DOK6: variants seen among roughly 807,000 people sequenced by gnomAD.
DOK6 encodes downstream of tyrosine kinase 6.
DOK6 carries 22 observed loss-of-function variants against 44.0 expected under a neutral mutation model. That is an observed-to-expected ratio of 0.50 (90% CI 0.36 to 0.71). The LOEUF is 0.71. DOK6 is among the 30% of genes least tolerant of loss of function. The pLI is 0.00. For missense variants in DOK6, 340 were observed against 416.4 expected (o/e 0.82, Z 1.60); for synonymous variants, 166 against 145.5 (o/e 1.14, Z -1.01).
intron 7 of DOK6, among the ~76,000 whole-genome samples, chr18:69,759,749 TCTCA>T (rs1979481779): frequency 1.3e-5 from 2 of 152,212 alleles, no homozygotes; most frequent in South Asian, 2.1e-4. Flanking sequence ...ATTGAAATAC[TCTCA>T]CTGATGTTAA....
intron 2 of DOK6, among the ~76,000 whole-genome samples, chr18:69,583,794 C>T (rs1392200686): frequency 6.7e-6 from 1 of 150,016 alleles, no homozygotes; most frequent in East Asian, 1.9e-4. Flanking sequence ...AAATATTATT[C>T]AATTGACCTT....
intron 1 of DOK6, among the ~76,000 whole-genome samples, chr18:69,448,412 C>T (rs923643290): frequency 6.6e-6 from 1 of 151,996 alleles, no homozygotes; most frequent in Non-Finnish European, 1.5e-5. Context: ...ACTCTTGTTG[C>T]CCAGGCTGGA....
At chr18:69,449,501 A>G (rs1979394449) in intron 1 of DOK6, among the ~76,000 whole-genome samples, 1 of 152,242 alleles carries the variant, frequency 6.6e-6, no homozygotes, top group Non-Finnish European at 1.5e-5. Context: ...TACTAATTTA[A>G]TAGCAAAACT....
At chr18:69,743,078 T>C (rs775807264) in intron 6 of DOK6, among the ~76,000 whole-genome samples, 1 of 152,220 alleles carries the variant, frequency 6.6e-6, no homozygotes, top group Non-Finnish European at 1.5e-5. Context: ...GAGACAGCAA[T>C]CTTAAGGAGT....
chr18:69,681,859 A>T (rs1986052474), intron 4 of DOK6, among the ~76,000 whole-genome samples: 1 of 152,240 alleles, frequency 6.6e-6, no homozygotes, highest in Non-Finnish European at 1.5e-5. Flanking sequence ...AATTCCTGCA[A>T]ATGCAGTTGG....
intron 6 of DOK6, among the ~76,000 whole-genome samples, chr18:69,743,355 G>A (rs79041465): frequency 0.031 from 4,691 of 152,182 alleles, 134 homozygotes; most frequent in East Asian, 0.086. Flanking sequence ...TCTGTAGATG[G>A]TTTGACATGC....
At position 69,698,604 on chromosome 18, in the gene DOK6, G is replaced by C; in HGVS notation, c.599+11G>C. 1 of 1,610,728 alleles carries C rather than the reference G, an allele frequency of 6.2e-7. No individual in the cohort carries two copies. Among genetic ancestry groups the C allele is most frequent in the Non-Finnish European group, 8.5e-7 (1 of 1,178,624 alleles). On this transcript the variant is annotated intron_variant, in intron 5 of 7. Coordinates refer to ENST00000382713, the MANE Select transcript of DOK6 (RefSeq NM_152721.6). ...GTTTGAGTCAGGAAGGTAAGATCTAGTGCAGCAGCCAAGTGCAGGAGTTGT... is the reference window on the plus strand; with the variant it reads ...GTTTGAGTCAGGAAGGTAAGATCTACTGCAGCAGCCAAGTGCAGGAGTTGT...
chr18:69,835,922 A>C (rs1232426864), intron 7 of DOK6, among the ~76,000 whole-genome samples: 1 of 152,190 alleles, frequency 6.6e-6, no homozygotes, highest in Non-Finnish European at 1.5e-5. Context: ...ATGCTTTGGG[A>C]TCTTTCTGAC....
At chr18:69,680,448 C>G (rs1986019208) in intron 4 of DOK6, among the ~76,000 whole-genome samples, 1 of 152,198 alleles carries the variant, frequency 6.6e-6, no homozygotes, top group Non-Finnish European at 1.5e-5. Flanking sequence ...GATGATATCC[C>G]TTTTCTGTGT....
intron 1 of DOK6, among the ~76,000 whole-genome samples, chr18:69,488,282 C>T (rs1445205752): frequency 6.6e-6 from 1 of 152,070 alleles, no homozygotes; most frequent in Non-Finnish European, 1.5e-5. Flanking sequence ...CTCCAGATAC[C>T]ATTACATTGG....
chr18:69,629,908 A>G (rs1984651307), intron 3 of DOK6, among the ~76,000 whole-genome samples: 1 of 152,158 alleles, frequency 6.6e-6, no homozygotes, highest in Non-Finnish European at 1.5e-5. Context: ...CTCCTGCCTC[A>G]GCCTCCCATG....
chr18:69,823,783 C>A (rs79178909), intron 7 of DOK6, among the ~76,000 whole-genome samples: 222 of 152,080 alleles, frequency 1.5e-3, no homozygotes, highest in African/African-American at 5.0e-3. Context: ...GTTTGAGTTG[C>A]TTCTCTCATC....
chr18:69,401,263 G>C lies in DOK6; in HGVS notation c.19G>C (p.Asp7His). MASNFN[D>H]IVKQGYVKIR... ...GCTGGCCATGGCCTCCAACTTTAAC[G>C]ACATAGTCAAGCAGGGCTACGTGAA... Residue 7 changes from aspartate to histidine, a missense_variant, in exon 1 of 8, where the codon GAC becomes CAC. Physicochemically the swap from Asp to His is moderately conservative, Grantham distance 81. Around this residue, in one of 3 missense-constraint regions of DOK6, gnomAD observed 206 missense variants for 258.6 expected, o/e 0.80. Coordinates refer to ENST00000382713, the MANE Select transcript of DOK6 (RefSeq NM_152721.6). The C allele has an allele frequency of 1.9e-6, 3 of 1,581,380 alleles. No individual in the cohort carries two copies. The highest frequency in any genetic ancestry group is 2.6e-6 in the Non-Finnish European group (3 of 1,164,528).
At chr18:69,583,069 C>T (rs9319783) in intron 2 of DOK6, among the ~76,000 whole-genome samples, 135,663 of 152,236 alleles carry the variant, frequency 0.89, 61,456 homozygotes, top group East Asian at 0.98. Flanking sequence ...TTGGGGAATA[C>T]ATATAAGGAA....
chr18:69,616,591 T>G (rs1214070716), intron 3 of DOK6, among the ~76,000 whole-genome samples: 3 of 152,056 alleles, frequency 2.0e-5, no homozygotes, highest in Non-Finnish European at 4.4e-5. Context: ...AACTACTTTT[T>G]TAAAAACGTT....
At chr18:69,584,223 C>T (rs1425761417) in intron 2 of DOK6, among the ~76,000 whole-genome samples, 1 of 151,682 alleles carries the variant, frequency 6.6e-6, no homozygotes, top group Non-Finnish European at 1.5e-5. Flanking sequence ...AATTTTTAAA[C>T]ATTTTTCATA....
At chr18:69,779,258 T>A (rs1284170747) in intron 7 of DOK6, among the ~76,000 whole-genome samples, 1 of 152,084 alleles carries the variant, frequency 6.6e-6, no homozygotes, top group Admixed American at 6.6e-5. Context: ...TTGCTTTCAC[T>A]CAATGCCTTT....
chr18:69,665,912 T>A (rs1421561241), intron 3 of DOK6, among the ~76,000 whole-genome samples: 1 of 152,142 alleles, frequency 6.6e-6, no homozygotes, highest in African/African-American at 2.4e-5. Flanking sequence ...TTGCTCTCTT[T>A]TCCCTGAACC....
rs192511243 is a variant in DOK6 at position 69,602,840 on chromosome 18, A to G, written c.289+3342A>G. Among the ~76,000 whole-genome samples the G allele has an allele frequency of 2.6e-4, 39 of 152,362 alleles. No homozygotes were observed. In the East Asian group the frequency reaches 6.9e-3, roughly 27 times the overall value. The stretch of plus-strand genomic sequence containing the variant: ...TATCAAGGATATATTAAAAATTAGT[A>G]AAGAAAATTATATCTTACAAATAAC... On this transcript the variant is annotated intron_variant, in intron 3 of 7. Coordinates refer to ENST00000382713, the MANE Select transcript of DOK6 (RefSeq NM_152721.6).
Sources: gnomAD v4.1 joint callset for allele counts (sites outside exome capture counted in the v4.1 genomes callset) on GRCh38, gnomAD v4.1.1 for gene constraint, gnomAD v4.1.1 regional missense constraint, MANE v1.5 for transcripts, NCBI Gene and HGNC (gene_info 2026-07-23, HGNC 2026-07-21) for gene names.